The following REEP1 variants were observed in gnomAD, a reference collection of about 807,000 sequenced individuals.
The protein encoded by REEP1 is receptor expression-enhancing protein 1.
Under a neutral mutation model 40.3 loss-of-function variants are expected in REEP1, and 22 were observed. The observed-to-expected ratio is 0.55, with a 90% CI of 0.39 to 0.78. The LOEUF is 0.78. REEP1 is among the 30% of genes least tolerant of loss of function. The pLI is 0.00. For synonymous variants in REEP1, 116 were observed against 139.2 expected, an observed-to-expected ratio of 0.83 and a Z score of 1.17; for missense variants, 280 against 361.1, an observed-to-expected ratio of 0.78 and a Z score of 1.82.
At chr2:86,322,310 G>A (rs143386318) in intron 1 of REEP1, among the ~76,000 whole-genome samples, 4,599 of 152,240 alleles carry the variant, frequency 0.03, 117 homozygotes, top group East Asian at 0.069. Flanking sequence ...TTGGGAGGCC[G>A]AGGTGGGGGG....
At chr2:86,232,057 C>T (rs1675048195) in intron 6 of REEP1, among the ~76,000 whole-genome samples, 2 of 152,140 alleles carry the variant, frequency 1.3e-5, no homozygotes, top group Non-Finnish European at 2.9e-5. Context: ...TCCTGGTCAC[C>T]ACAGGAACAA....
chr2:86,223,780 G>A (rs1674551713), intron 7 of REEP1: 1 of 151,846 alleles, frequency 6.6e-6, no homozygotes, highest in Admixed American at 6.6e-5. Flanking sequence ...CAAAAAGGAT[G>A]ACTGCTTTTA....
chr2:86,299,085 C>T (rs1185361212), intron 1 of REEP1, among the ~76,000 whole-genome samples: 2 of 152,176 alleles, frequency 1.3e-5, no homozygotes, highest in Admixed American at 6.5e-5. Context: ...GTCCAAGCTG[C>T]TTATGTTGAT....
chr2:86,275,141 CAG>C (rs141288749), intron 2 of REEP1, among the ~76,000 whole-genome samples: 513 of 152,226 alleles, frequency 3.4e-3, no homozygotes, highest in African/African-American at 0.011. Flanking sequence ...TGCCATATGA[CAG>C]AAAGAAAAAA....
upstream of REEP1, chr2:86,337,627 G>C: frequency 9.1e-7 from 1 of 1,096,958 alleles, no homozygotes; most frequent in South Asian, 4.3e-5. The surrounding 1 kb of genome is among the most constrained non-coding windows in gnomAD (Gnocchi z 5.8). Context: ...CCGCCAGACT[G>C]AGCGCGCCCG....
chr2:86,240,503 C>A (rs528436375), intron 5 of REEP1, among the ~76,000 whole-genome samples: 1 of 152,148 alleles, frequency 6.6e-6, no homozygotes, highest in Non-Finnish European at 1.5e-5. Flanking sequence ...GGGGAAGGCA[C>A]GTGCTGGCGG....
intron 5 of REEP1, among the ~76,000 whole-genome samples, chr2:86,236,521 G>A (rs534370122): frequency 3.3e-4 from 50 of 152,108 alleles, no homozygotes; most frequent in African/African-American, 1.2e-3. Flanking sequence ...CATACTAAAA[G>A]CTCTGAGAAG....
intron 1 of REEP1, among the ~76,000 whole-genome samples, chr2:86,321,993 CA>C (rs1438606948): frequency 6.6e-6 from 1 of 152,190 alleles, no homozygotes; most frequent in Non-Finnish European, 1.5e-5. Context: ...TCTCAAATGA[CA>C]TGACTATTTA....
chr2:86,311,591 C>T (rs1476456141), intron 1 of REEP1, among the ~76,000 whole-genome samples: 1 of 152,110 alleles, frequency 6.6e-6, no homozygotes, highest in Non-Finnish European at 1.5e-5. Context: ...AATTGTCACA[C>T]AGTATTCTGC....
At chr2:86,309,131 T>C (rs1369560286) in intron 1 of REEP1, among the ~76,000 whole-genome samples, 2 of 152,216 alleles carry the variant, frequency 1.3e-5, no homozygotes, top group Non-Finnish European at 2.9e-5. Context: ...CCCCTCGCTG[T>C]GGGGGAATTA....
chr2:86,285,865 G>A (rs10186289), intron 1 of REEP1, among the ~76,000 whole-genome samples: 74,680 of 151,982 alleles, frequency 0.49, 18,756 homozygotes, highest in African/African-American at 0.59. Context: ...AATGTGGTAA[G>A]ATAAGAGGGT....
At chr2:86,281,976 C>G (rs1047891464) in intron 2 of REEP1, among the ~76,000 whole-genome samples, 194 bp downstream of exon 2, 2 of 152,192 alleles carry the variant, frequency 1.3e-5, no homozygotes, top group Non-Finnish European at 2.9e-5. Flanking sequence ...TTTCTCACCT[C>G]AACGCTCTAG....
At chr2:86,312,213 C>T (rs1340533138) in intron 1 of REEP1, among the ~76,000 whole-genome samples, 1 of 152,176 alleles carries the variant, frequency 6.6e-6, no homozygotes, top group African/African-American at 2.4e-5. Flanking sequence ...TAAGATGACA[C>T]TAATTTTCAG....
At chr2:86,244,911 G>T (rs1276473888) in intron 5 of REEP1, among the ~76,000 whole-genome samples, 2 of 152,232 alleles carry the variant, frequency 1.3e-5, no homozygotes, top group Non-Finnish European at 1.5e-5. Flanking sequence ...TTGGGAGGCT[G>T]AGGCCTGCAG....
chr2:86,230,832 C>G (rs1055474669), intron 6 of REEP1, among the ~76,000 whole-genome samples: 16 of 152,212 alleles, frequency 1.1e-4, no homozygotes, highest in African/African-American at 2.4e-4. Flanking sequence ...GTGGCTACCC[C>G]CTTCGAACTT....
At chr2:86,297,551 G>T in intron 1 of REEP1, 1 of 216,020 alleles carries the variant, frequency 4.6e-6, no homozygotes, top group African/African-American at 2.3e-5. Context: ...GGGTGGAGTT[G>T]GTACAAGCCC....
chr2:86,259,244 C>T (rs1320431486), intron 3 of REEP1, among the ~76,000 whole-genome samples: 6 of 142,790 alleles, frequency 4.2e-5, no homozygotes, highest in African/African-American at 9.8e-5. Flanking sequence ...GAGCCAAGAT[C>T]GCACCACTGC....
chr2:86,229,555 T>G (rs1225263694), intron 6 of REEP1, among the ~76,000 whole-genome samples: 1 of 151,180 alleles, frequency 6.6e-6, no homozygotes, highest in Non-Finnish European at 1.5e-5. Context: ...CCCAGGAAAT[T>G]CTGCCCCATA....
chr2:86,277,226 G>T (rs115092818), intron 2 of REEP1, among the ~76,000 whole-genome samples: 1,620 of 152,094 alleles, frequency 0.011, 12 homozygotes, highest in Non-Finnish European at 0.015. Flanking sequence ...AAACAGCCTT[G>T]GGGGGGCCTC....
Sources: allele counts gnomAD v4.1 joint callset (sites outside exome capture counted in the v4.1 genomes callset), GRCh38; gene constraint gnomAD v4.1.1; non-coding constraint Gnocchi (gnomAD v3.1); transcripts MANE v1.5; gene names NCBI Gene and HGNC (gene_info 2026-07-23, HGNC 2026-07-21).